LRMDA: variants seen among roughly 807,000 people sequenced by gnomAD.
LRMDA encodes the protein leucine-rich melanocyte differentiation-associated protein.
LRMDA carries 18 observed loss-of-function variants against 29.8 expected under a neutral mutation model. The observed-to-expected ratio is 0.60, with a 90% confidence interval of 0.42 to 0.90. LRMDA has a LOEUF of 0.90. Ranked by LOEUF, LRMDA falls within the 40% of genes least tolerant of loss-of-function variation. The probability of loss-of-function intolerance (pLI) is 0.00; values close to 1 mark genes in which losing one functional copy is unlikely to be tolerated. For missense variants in LRMDA, 273 were observed against 273.9 expected (o/e 1.00, Z 0.02); for synonymous variants, 125 against 109.4 (o/e 1.14, Z -0.89).
At chr10:76,543,454 G>C (rs1286061582) in intron 6 of LRMDA, among the ~76,000 whole-genome samples, 1 of 151,902 alleles carries the variant, frequency 6.6e-6, no homozygotes, top group Non-Finnish European at 1.5e-5. Context: ...TCTTAGAAAA[G>C]TTTATTGAAA....
chr10:75,830,996 GA>G (rs1252358311), intron 2 of LRMDA, among the ~76,000 whole-genome samples: 1 of 151,964 alleles, frequency 6.6e-6, no homozygotes, highest in African/African-American at 2.4e-5. Flanking sequence ...TTAGCCAAAA[GA>G]AAGGGGCTAT....
chr10:75,878,106 T>C (rs1845231162), intron 2 of LRMDA, among the ~76,000 whole-genome samples: 1 of 152,208 alleles, frequency 6.6e-6, no homozygotes, highest in Admixed American at 6.5e-5. Flanking sequence ...CAGTGGCGTA[T>C]GTTACAGTGT....
At chr10:76,066,068 T>C (rs1042780015) in intron 5 of LRMDA, among the ~76,000 whole-genome samples, 1 of 152,186 alleles carries the variant, frequency 6.6e-6, no homozygotes, top group Non-Finnish European at 1.5e-5. Context: ...TGCTGACTAA[T>C]ACCTAGGCAG....
At chr10:75,783,123 G>A (rs1262692427) in intron 2 of LRMDA, 2 of 1,366,436 alleles carry the variant, frequency 1.5e-6, no homozygotes, top group Non-Finnish European at 1.0e-6. Flanking sequence ...AGGACTTGAT[G>A]AGCGAGATGA....
At chr10:76,326,905 T>C (rs1840840305) in intron 6 of LRMDA, among the ~76,000 whole-genome samples, 1 of 152,196 alleles carries the variant, frequency 6.6e-6, no homozygotes, top group Non-Finnish European at 1.5e-5. Flanking sequence ...TTTTGCTTCC[T>C]GCATGAAACT....
Position 75,968,270 on chromosome 10 carries a change from G to T in LRMDA, c.132-67738G>T, listed in dbSNP as rs540884332. Among the ~76,000 whole-genome samples, 15 of 152,256 alleles carry T rather than the reference G, an allele frequency of 9.9e-5. 1 individual carries two copies. The highest frequency in any genetic ancestry group is 2.9e-4 in the African/African-American group (12 of 41,550). ...TCCGGAGGAGTGGCTGCTCATAGAA[G>T]TTGTGGGGCTGATCTGTGCCCCAGC... On this transcript the variant is annotated intron_variant, in intron 2 of 6. Transcript: ENST00000611255.
chr10:76,493,255 A>G (rs1230154438), intron 6 of LRMDA, among the ~76,000 whole-genome samples: 1 of 152,048 alleles, frequency 6.6e-6, no homozygotes, highest in Non-Finnish European at 1.5e-5. Context: ...TTCCACGGGT[A>G]GATGAGCCGC....
chr10:75,549,395 G>T (rs1840116055), intron 2 of LRMDA, among the ~76,000 whole-genome samples: 1 of 152,060 alleles, frequency 6.6e-6, no homozygotes, highest in Admixed American at 6.6e-5. Context: ...TATTTGTGGG[G>T]TGTCCTGGAA....
chr10:75,989,436 A>G (rs1481582302), intron 2 of LRMDA, among the ~76,000 whole-genome samples: 1 of 152,158 alleles, frequency 6.6e-6, no homozygotes, highest in East Asian at 1.9e-4. Context: ...AAACAACCAG[A>G]TCTCACAAGA....
intron 3 of LRMDA, 130 bp downstream of exon 3, chr10:76,036,264 A>G: frequency 1.0e-6 from 1 of 969,866 alleles, no homozygotes; most frequent in South Asian, 1.7e-5. Flanking sequence ...AGTATGTGAA[A>G]TACAGTTCGT....
chr10:75,431,672 C>T lies in LRMDA; in HGVS notation c.-53C>T. 1 of 1,255,978 alleles carries T rather than the reference C, an allele frequency of 8.0e-7. No homozygotes were observed. Among genetic ancestry groups the T allele is most frequent in the South Asian group, 3.3e-5 (1 of 30,618 alleles). The allele number at this position is 1,255,978 out of a possible 1,614,324, so 77.8% of individuals were successfully genotyped here. On this transcript the variant is annotated 5_prime_UTR_variant, in exon 1 of 7. Coordinates refer to ENST00000611255, the MANE Select transcript of LRMDA (RefSeq NM_001305581.2). ...CGCTCCCCTGCCGCGCTCCCCGCTG[C>T]TGCCGCCGCGCCCCCGCGCTCCGTC...
At chr10:76,106,952 C>T (rs776816190) in intron 5 of LRMDA, among the ~76,000 whole-genome samples, 3 of 152,208 alleles carry the variant, frequency 2.0e-5, no homozygotes, top group Admixed American at 1.3e-4. Flanking sequence ...CTGGTAACAG[C>T]GCCTCCATCA....
intron 2 of LRMDA, among the ~76,000 whole-genome samples, chr10:75,584,106 A>G (rs564192154): frequency 6.6e-6 from 1 of 152,176 alleles, no homozygotes; most frequent in Non-Finnish European, 1.5e-5. Flanking sequence ...ACTTTACTCT[A>G]AGACAATATG....
At chr10:75,645,308 T>C (rs1841504581) in intron 2 of LRMDA, among the ~76,000 whole-genome samples, 1 of 152,200 alleles carries the variant, frequency 6.6e-6, no homozygotes, top group African/African-American at 2.4e-5. Flanking sequence ...AAAGATAAAT[T>C]GTGAACTGTA....
At chr10:75,731,904 A>T (rs1201585634) in intron 2 of LRMDA, among the ~76,000 whole-genome samples, 1 of 152,202 alleles carries the variant, frequency 6.6e-6, no homozygotes, top group Non-Finnish European at 1.5e-5. Flanking sequence ...AATCCGAAGT[A>T]TATGCATTAA....
intron 2 of LRMDA, among the ~76,000 whole-genome samples, chr10:75,916,050 CAG>C (rs1052227676): frequency 7.9e-5 from 12 of 152,074 alleles, no homozygotes; most frequent in Non-Finnish European, 1.6e-4. Context: ...TCCAGGAAGA[CAG>C]AGACTTGTCT....
chr10:75,826,466 A>G (rs1844248199), intron 2 of LRMDA, among the ~76,000 whole-genome samples: 1 of 152,196 alleles, frequency 6.6e-6, no homozygotes, highest in Non-Finnish European at 1.5e-5. Context: ...CAAATGGTCT[A>G]GGTCAGTGTC....
At chr10:75,927,765 G>A (rs894998596) in intron 2 of LRMDA, among the ~76,000 whole-genome samples, 1 of 152,138 alleles carries the variant, frequency 6.6e-6, no homozygotes, top group Non-Finnish European at 1.5e-5. Context: ...CAGGTCTGCC[G>A]ACAATAAAGC....
intron 2 of LRMDA, among the ~76,000 whole-genome samples, chr10:75,509,695 C>T (rs1417725904): frequency 1.3e-5 from 2 of 152,244 alleles, no homozygotes; most frequent in Non-Finnish European, 2.9e-5. Flanking sequence ...CCTTTCTCTT[C>T]ATTTAATGCT....
Sources: gnomAD v4.1 joint callset for allele counts (sites outside exome capture counted in the v4.1 genomes callset) on GRCh38, gnomAD v4.1.1 for gene constraint, MANE v1.5 for transcripts, NCBI Gene and HGNC (gene_info 2026-07-23, HGNC 2026-07-21) for gene names.